Variants in KHDRBS2 observed in about 807,000 individuals in gnomAD.
KHDRBS2 encodes the protein KH RNA binding domain containing, signal transduction associated 2, also known as KH domain-containing, RNA-binding, signal transduction-associated protein 2.
KHDRBS2 carries 26 observed loss-of-function variants against 44.3 expected under a neutral mutation model. That is an observed-to-expected ratio of 0.59 (90% CI 0.43 to 0.81). KHDRBS2 has a LOEUF of 0.81. Among genes scored for constraint, KHDRBS2 ranks in the 40% least tolerant of loss-of-function variants. The pLI is 0.00. For synonymous variants in KHDRBS2, 194 were observed against 151.1 expected (o/e 1.28, Z -2.08); for missense variants, 476 against 433.1 (o/e 1.10, Z -0.88).
the KHDRBS2 span, among the ~76,000 whole-genome samples, chr6:61,549,624 A>C: frequency 6.6e-6 from 1 of 152,172 alleles, no homozygotes; most frequent in Non-Finnish European, 1.5e-5. Flanking sequence ...TATATGAAGA[A>C]AATCAGGCCA....
At chr6:61,732,540 A>G in intron 7 of KHDRBS2, 142 bp downstream of exon 7, 1 of 626,132 alleles carries the variant, frequency 1.6e-6, no homozygotes, top group Non-Finnish European at 2.9e-6. Flanking sequence ...ACAGTCTGGT[A>G]AGCAACTTGA....
At chr6:62,002,805 T>C (rs1778501182) in intron 3 of KHDRBS2, among the ~76,000 whole-genome samples, 2 of 151,816 alleles carry the variant, frequency 1.3e-5, no homozygotes, top group South Asian at 4.2e-4. Context: ...AAATTTCTTA[T>C]AATTTAATTT....
At chr6:61,552,716 G>A in the KHDRBS2 span, among the ~76,000 whole-genome samples, 5 of 152,100 alleles carry the variant, frequency 3.3e-5, no homozygotes, top group African/African-American at 1.2e-4. Context: ...AAGGGATGTT[G>A]AATTTTATCA....
At chr6:61,660,164 T>A in the KHDRBS2 span, among the ~76,000 whole-genome samples, 1 of 151,882 alleles carries the variant, frequency 6.6e-6, no homozygotes, top group African/African-American at 2.4e-5. Flanking sequence ...ATACACAGTG[T>A]AGTTCGTAAC....
intron 1 of KHDRBS2, 90 bp from the exon 2 acceptor site, chr6:62,177,402 T>C: frequency 5.2e-6 from 5 of 964,378 alleles, no homozygotes; most frequent in Non-Finnish European, 7.5e-6. Flanking sequence ...ATAATATTCA[T>C]ATTACTCCTC....
intron 1 of KHDRBS2, among the ~76,000 whole-genome samples, chr6:62,271,279 CCTA>C (rs1366643368): frequency 6.6e-6 from 1 of 152,112 alleles, no homozygotes; most frequent in Non-Finnish European, 1.5e-5. Flanking sequence ...CTGAAAAACT[CCTA>C]AGGTTTAGCC....
At chr6:61,558,520 C>G in the KHDRBS2 span, among the ~76,000 whole-genome samples, 6,784 of 152,216 alleles carry the variant, frequency 0.045, 155 homozygotes, top group East Asian at 0.087. Flanking sequence ...CACGATTATA[C>G]CATTGCAGTC....
At chr6:62,113,896 C>T (rs1420736702) in intron 2 of KHDRBS2, among the ~76,000 whole-genome samples, 3 of 151,994 alleles carry the variant, frequency 2.0e-5, no homozygotes, top group Non-Finnish European at 2.9e-5. Flanking sequence ...AAGAAATACC[C>T]GAGACTGGTT....
intron 4 of KHDRBS2, among the ~76,000 whole-genome samples, chr6:61,961,467 G>A (rs571729620): frequency 2.6e-5 from 4 of 152,078 alleles, no homozygotes; most frequent in African/African-American, 7.2e-5. Context: ...ATGGAGGAAG[G>A]AAGGAAGGAA....
chr6:61,766,095 G>A (rs1779967368), intron 6 of KHDRBS2, among the ~76,000 whole-genome samples: 1 of 143,998 alleles, frequency 6.9e-6, no homozygotes, highest in South Asian at 2.2e-4. Flanking sequence ...CAGCAGTGAA[G>A]CCACCGTGTT....
intron 6 of KHDRBS2, among the ~76,000 whole-genome samples, chr6:61,886,003 C>T (rs1800894918): frequency 6.6e-6 from 1 of 152,142 alleles, no homozygotes; most frequent in African/African-American, 2.4e-5. Flanking sequence ...TCAGCTTTAC[C>T]TTTGGCCTGA....
At chr6:61,667,213 C>T in the KHDRBS2 span, among the ~76,000 whole-genome samples, 1 of 147,688 alleles carries the variant, frequency 6.8e-6, no homozygotes, top group African/African-American at 2.5e-5. Context: ...TAATTTTTAT[C>T]TAGTGGTAGA....
chr6:62,063,832 G>A (rs1792759837), intron 2 of KHDRBS2, among the ~76,000 whole-genome samples: 1 of 133,722 alleles, frequency 7.5e-6, no homozygotes, highest in South Asian at 2.6e-4. Context: ...AAAAGAGGAA[G>A]TCAAATTGTC....
At chr6:61,945,110 A>ATGTATAT (rs1414544846) in intron 4 of KHDRBS2, among the ~76,000 whole-genome samples, 618 of 46,216 alleles carry the variant, frequency 0.013, 100 homozygotes, top group African/African-American at 0.065. Flanking sequence ...AAAAAAAAAA[A>ATGTATAT]AAGTATATAT....
At chr6:61,999,156 C>T (rs1459393731) in intron 3 of KHDRBS2, among the ~76,000 whole-genome samples, 1 of 151,956 alleles carries the variant, frequency 6.6e-6, no homozygotes, top group East Asian at 1.9e-4. Context: ...ATAAATTGAC[C>T]TAACAAATGA....
intron 2 of KHDRBS2, among the ~76,000 whole-genome samples, chr6:62,169,061 A>ATG (rs1444669167): frequency 7.1e-6 from 1 of 140,534 alleles, no homozygotes; most frequent in Non-Finnish European, 1.6e-5. Context: ...ATATATATAT[A>ATG]TGTATACATG....
chr6:62,155,263 T>C (rs559434620), intron 2 of KHDRBS2, among the ~76,000 whole-genome samples: 5 of 152,114 alleles, frequency 3.3e-5, no homozygotes, highest in Admixed American at 6.6e-5. Flanking sequence ...AGAGAATAAA[T>C]TGATTGGAAT....
chr6:62,250,631 G>T (rs746665384), intron 1 of KHDRBS2, among the ~76,000 whole-genome samples: 1 of 151,924 alleles, frequency 6.6e-6, no homozygotes, highest in Non-Finnish European at 1.5e-5. Flanking sequence ...GAGTGCTGTA[G>T]TTGGAAAACC....
At chr6:62,086,791 T>C (rs1443583045) in intron 2 of KHDRBS2, among the ~76,000 whole-genome samples, 1 of 152,020 alleles carries the variant, frequency 6.6e-6, no homozygotes, top group African/African-American at 2.4e-5. Flanking sequence ...CTGAACACAG[T>C]AGCAGGTGGG....
Sources: allele counts gnomAD v4.1 joint callset (sites outside exome capture counted in the v4.1 genomes callset), GRCh38; gene constraint gnomAD v4.1.1; transcripts MANE v1.5; gene names NCBI Gene and HGNC (gene_info 2026-07-23, HGNC 2026-07-21).